Variants in DDC observed in about 807,000 individuals in gnomAD.
DDC encodes dopa decarboxylase.
In DDC, 43 loss-of-function variants were observed where a neutral mutation model predicts 60.0. That is an observed-to-expected ratio of 0.72 (90% confidence interval 0.56 to 0.92). The LOEUF is 0.92. Among genes scored for constraint, DDC ranks in the 40% least tolerant of loss-of-function variants. The pLI, the probability that DDC is intolerant of heterozygous loss-of-function variation, is 0.00. For missense variants in DDC, 573 were observed against 620.2 expected (o/e 0.92, Z 0.81); for synonymous variants, 232 against 234.6 (o/e 0.99, Z 0.10).
At chr7:50,524,097 T>G (rs142044686) in intron 6 of DDC, among the ~76,000 whole-genome samples, 14 of 152,290 alleles carry the variant, frequency 9.2e-5, no homozygotes, top group Non-Finnish European at 2.1e-4. Context: ...CTGTATGACA[T>G]TCTAAAAAAG....
chr7:50,531,044 G>C (rs1231467114), intron 4 of DDC, among the ~76,000 whole-genome samples: 2 of 152,068 alleles, frequency 1.3e-5, no homozygotes, highest in Non-Finnish European at 2.9e-5. Flanking sequence ...CTAATGGATG[G>C]GTTCAAATAT....
chr7:50,475,054 G>C (rs2042611205), intron 11 of DDC, among the ~76,000 whole-genome samples: 1 of 150,272 alleles, frequency 6.7e-6, no homozygotes, highest in Non-Finnish European at 1.5e-5. Flanking sequence ...TAGATTTTCT[G>C]TACTTACTAA....
At position 50,467,162 on chromosome 7, in the gene DDC, T is replaced by C. The variant is rs938327132; in HGVS notation, c.1242+52A>G. The C allele has an allele frequency of 1.4e-4, 201 of 1,461,372 alleles. 2 individuals are homozygous for C. Among genetic ancestry groups the C allele is most frequent in the Non-Finnish European group, 9.6e-6 (10 of 1,043,478 alleles). The allele number at this position is 1,461,372 out of a possible 1,614,324, so 90.5% of individuals were successfully genotyped here. A position where few individuals can be genotyped will look rare whatever the true frequency, so the allele number is the denominator to read the frequency against. On this transcript the variant is annotated intron_variant, in intron 13 of 14. Coordinates refer to ENST00000444124, the MANE Select transcript of DDC (RefSeq NM_001082971.2). ...AGCATGGAGGTAATGAACAACACTT[T>C]CCCCTCTGTCACATTCACAGAAAAT...
At chr7:50,558,466 A>T (rs1250855912) in intron 1 of DDC, among the ~76,000 whole-genome samples, 1 of 152,144 alleles carries the variant, frequency 6.6e-6, no homozygotes, top group Non-Finnish European at 1.5e-5. Flanking sequence ...CCTGCACTTG[A>T]GGTGCCCCCC....
At chr7:50,493,246 T>C (rs2043049014) in intron 9 of DDC, among the ~76,000 whole-genome samples, 1 of 152,144 alleles carries the variant, frequency 6.6e-6, no homozygotes, top group Non-Finnish European at 1.5e-5. Flanking sequence ...TAAACAGCCT[T>C]GCTGATATCA....
At chr7:50,518,989 A>G (rs907023395) in intron 6 of DDC, among the ~76,000 whole-genome samples, 4 of 152,240 alleles carry the variant, frequency 2.6e-5, no homozygotes, top group Admixed American at 6.5e-5. Flanking sequence ...CAATCTATAC[A>G]TCTGACAAAG....
chr7:50,493,089 C>T lies in DDC; in HGVS notation c.944+2261G>A, dbSNP rs182400106. The T allele has an allele frequency of 1.3e-4, 151 of 1,146,242 alleles. No homozygotes were observed. In the African/African-American group the frequency reaches 2.1e-3, roughly 16 times the overall value. The allele number at this position is 1,146,242 out of a possible 1,614,324, so 71.0% of individuals were successfully genotyped here. On this transcript the variant is annotated intron_variant, in intron 9 of 14. Coordinates refer to ENST00000444124, the MANE Select transcript of DDC (RefSeq NM_001082971.2). ...CCAAGATTAGGGACCCAAAATATTT[C>T]TGGTCCCTGACCGCTTCAGTTTCCT...
intron 9 of DDC, among the ~76,000 whole-genome samples, chr7:50,487,884 A>C (rs1194821274): frequency 6.6e-6 from 1 of 152,150 alleles, no homozygotes; most frequent in Non-Finnish European, 1.5e-5. Context: ...TAAGGTGTCA[A>C]TATTTGGAAT....
chr7:50,563,062 G>C (rs1410514667), intron 1 of DDC, among the ~76,000 whole-genome samples: 2 of 151,974 alleles, frequency 1.3e-5, no homozygotes, highest in Non-Finnish European at 2.9e-5. Context: ...AGCTACTCAG[G>C]AGGCTGAGGC....
chr7:50,507,247 T>C (rs539845284), intron 6 of DDC, among the ~76,000 whole-genome samples: 2 of 152,336 alleles, frequency 1.3e-5, no homozygotes, highest in Non-Finnish European at 2.9e-5. Context: ...CAATAACTTT[T>C]TTTTTTTGAG....
chr7:50,535,840 G>A (rs1033683671), intron 4 of DDC, among the ~76,000 whole-genome samples: 1 of 152,154 alleles, frequency 6.6e-6, no homozygotes, highest in African/African-American at 2.4e-5. Context: ...TAAGAAACTT[G>A]ACTTGAGAGA....
At chr7:50,550,853 C>T (rs1224008525) in intron 1 of DDC, among the ~76,000 whole-genome samples, 1 of 152,132 alleles carries the variant, frequency 6.6e-6, no homozygotes, top group Non-Finnish European at 1.5e-5. Flanking sequence ...CTTGAAAGGG[C>T]CTAAGATATT....
chr7:50,458,511 T>G lies in DDC; in HGVS notation c.*351A>C, dbSNP rs375831164. The G allele has an allele frequency of 2.0e-5, 3 of 152,348 alleles. No individual in the cohort carries two copies. In the East Asian group the frequency reaches 5.8e-4, roughly 29 times the overall value. The allele number at this position is 152,348 out of a possible 1,614,324, so 9.4% of individuals were successfully genotyped here. ...ACAATTTGAAGACCACAGATATAAT[T>G]TCAAGTTGCGTGAACATTGATTGCC... On this transcript the variant is annotated 3_prime_UTR_variant, in exon 15 of 15. Coordinates refer to ENST00000444124, the MANE Select transcript of DDC (RefSeq NM_001082971.2).
chr7:50,560,363 C>T (rs537531221), intron 1 of DDC, among the ~76,000 whole-genome samples: 7 of 152,250 alleles, frequency 4.6e-5, no homozygotes, highest in South Asian at 2.1e-4. Context: ...CTGTGGAGGG[C>T]GCAGCAGACC....
intron 6 of DDC, among the ~76,000 whole-genome samples, chr7:50,519,673 G>A (rs564426221): frequency 2.6e-5 from 4 of 152,284 alleles, no homozygotes; most frequent in South Asian, 2.1e-4. Context: ...TCACTGATAT[G>A]TGGGAGCTAA....
intron 6 of DDC, among the ~76,000 whole-genome samples, chr7:50,524,870 T>C (rs2043996909): frequency 6.6e-6 from 1 of 152,188 alleles, no homozygotes; most frequent in South Asian, 2.1e-4. Flanking sequence ...CAAACACCTA[T>C]ACATTAATGT....
At chr7:50,531,054 T>A (rs1453852917) in intron 4 of DDC, among the ~76,000 whole-genome samples, 1 of 152,226 alleles carries the variant, frequency 6.6e-6, no homozygotes, top group Non-Finnish European at 1.5e-5. Flanking sequence ...GGTTCAAATA[T>A]ACAGATATAT....
chr7:50,467,939 G>A (rs1474741829), intron 12 of DDC, among the ~76,000 whole-genome samples: 1 of 152,200 alleles, frequency 6.6e-6, no homozygotes, highest in Non-Finnish European at 1.5e-5. Context: ...TTCAGAAACG[G>A]CCTTCCTCTC....
At chr7:50,535,278 C>T (rs1393101891) in intron 4 of DDC, among the ~76,000 whole-genome samples, 1 of 152,004 alleles carries the variant, frequency 6.6e-6, no homozygotes, top group Non-Finnish European at 1.5e-5. Flanking sequence ...TCCCAAGTAG[C>T]TGGGATTATA....
Sources: allele counts gnomAD v4.1 joint callset (sites outside exome capture counted in the v4.1 genomes callset), GRCh38; gene constraint gnomAD v4.1.1; transcripts MANE v1.5; gene names NCBI Gene and HGNC (gene_info 2026-07-23, HGNC 2026-07-21).